EXOC3L2: variants seen among roughly 807,000 people sequenced by gnomAD.
EXOC3L2 encodes the protein exocyst complex component 3 like 2, also known as exocyst complex component 3-like protein 2.
Under a neutral mutation model 44.4 loss-of-function variants are expected in EXOC3L2, and 17 were observed. That is an observed-to-expected ratio of 0.38 (90% CI 0.26 to 0.57). The LOEUF (loss-of-function observed/expected upper bound fraction) is 0.57, where lower values mean the gene tolerates loss of function less well. Among genes scored for constraint, EXOC3L2 ranks in the 20% least tolerant of loss-of-function variants. The pLI, the probability that EXOC3L2 is intolerant of heterozygous loss-of-function variation, is 0.65. For synonymous variants in EXOC3L2, 256 were observed against 253.7 expected (o/e 1.01, Z -0.09); for missense variants, 541 against 588.4 (o/e 0.92, Z 0.83).
rs1355464756 is a variant in EXOC3L2, at chr19:45,234,253, C to G, written c.1097G>C (p.Arg366Pro). 1 of 395,968 alleles carries G rather than the reference C, an allele frequency of 2.5e-6. No individual in the cohort carries two copies. Among genetic ancestry groups the G allele is most frequent in the Non-Finnish European group, 4.5e-6 (1 of 224,332 alleles). The allele number at this position is 395,968 out of a possible 1,614,324, so 24.5% of individuals were successfully genotyped here. Residue 366 changes from arginine (R) to proline (P), a missense_variant, in exon 3 of 12, where the codon CGC becomes CCC. By Grantham distance (103) the Arg-to-Pro change is moderately radical (BLOSUM62 -2). Transcript: ENST00000413988. This position sits in a 1 kb window ranked among gnomAD's most constrained non-coding sequence, Gnocchi z 5.0. The part of the protein sequence containing the change: ...LAEWLGASAR[R>P]RLPLADRYAL... ...GTAGCGGTCGGCCAGCGGCAGCCTG[C>G]GACGGGCGGAGGCCCCCAGCCACTC...
At chr19:45,236,388 C>T (rs956944788) in intron 2 of EXOC3L2, among the ~76,000 whole-genome samples, 2 of 149,134 alleles carry the variant, frequency 1.3e-5, no homozygotes, top group Admixed American at 1.3e-4. Flanking sequence ...ATTGCTTGAA[C>T]CCAGGCGGCG....
intron 9 of EXOC3L2, among the ~76,000 whole-genome samples, chr19:45,217,983 AC>A (rs537636764): frequency 5.0e-4 from 75 of 149,926 alleles, no homozygotes; most frequent in African/African-American, 1.8e-3. Context: ...CCCGCCTTAC[AC>A]CCCAGTTCCA....
intron 3 of EXOC3L2, among the ~76,000 whole-genome samples, chr19:45,233,052 C>T (rs1970047330): frequency 6.6e-6 from 1 of 152,104 alleles, no homozygotes; most frequent in Non-Finnish European, 1.5e-5. Context: ...CCCGTCTCTA[C>T]TAAAAATACA....
intron 8 of EXOC3L2, 62 bp from the exon 9 acceptor site, chr19:45,218,381 A>T: frequency 7.1e-7 from 1 of 1,408,790 alleles, no homozygotes; most frequent in South Asian, 1.4e-5. Context: ...TTCACTTAGG[A>T]ATAAGTTCCT....
rs139596026 is a variant in EXOC3L2, at chr19:45,233,699, A to G, written c.1157+494T>C. 9.9e-4 allele frequency among the ~76,000 whole-genome samples: 151 copies of G among 152,316 alleles called. 1 individual carries two copies. The highest frequency in any genetic ancestry group is 3.5e-3 in the African/African-American group (147 of 41,568). On this transcript the variant is annotated intron_variant, in intron 3 of 11. Transcript: ENST00000413988. ...CTAGGTCTGAAAGGGTGGGAATGCT[A>G]GGATTCTAAGACTGGAAGCATCAGT...
In EXOC3L2 at chr19:45,217,530, G is replaced by A; in HGVS notation, c.1996C>T (p.Leu666=). ...CCCAACCGCGTCCCGACACTGACCA[G>A]CCGCCGGAACAGCCTCTGCAGTTGC... The part of the protein sequence containing the change: ...AAQLQRLFRR[L]ESQASWLDAV... Residue 666 remains leucine, a splice_region_variant and synonymous_variant, in exon 10 of 12, where the codon CTG becomes TTG. Transcript: ENST00000413988. 1 of 1,576,298 alleles carries A rather than the reference G, an allele frequency of 6.3e-7. No individual in the cohort carries two copies. The highest frequency in any genetic ancestry group is 1.4e-5 in the African/African-American group (1 of 72,036).
intron 11 of EXOC3L2, among the ~76,000 whole-genome samples, chr19:45,214,094 C>T (rs749371305): frequency 6.6e-6 from 1 of 152,126 alleles, no homozygotes; most frequent in Non-Finnish European, 1.5e-5. Context: ...CAAGTTCTGA[C>T]TCATGATCCA....
Position 45,240,921 on chromosome 19 carries a change from A to G in EXOC3L2, c.-16-1860T>C, listed in dbSNP as rs115782902. ...TCAGTCTCAAAAAATAAAATAAAAC[A>G]AAACAACTTACTAGGTATTAGCCAT... On this transcript the variant is annotated intron_variant, in intron 1 of 11. Coordinates refer to ENST00000413988, the MANE Select transcript of EXOC3L2 (RefSeq NM_001382422.1). 5.1e-3 allele frequency among the ~76,000 whole-genome samples: 781 copies of G among 152,170 alleles called. 5 individuals are homozygous for G. The highest frequency in any genetic ancestry group is 0.018 in the African/African-American group (741 of 41,514).
intron 8 of EXOC3L2, among the ~76,000 whole-genome samples, chr19:45,221,368 T>A (rs1947053687): frequency 6.6e-6 from 1 of 151,670 alleles, no homozygotes; most frequent in Non-Finnish European, 1.5e-5. Context: ...GTTTGTTTGT[T>A]TTGAGACGGA....
At chr19:45,235,073 G>A (rs534478111) in intron 2 of EXOC3L2, among the ~76,000 whole-genome samples, 1 of 152,284 alleles carries the variant, frequency 6.6e-6, no homozygotes, top group South Asian at 2.1e-4. Flanking sequence ...GGCCGAGGCC[G>A]GCGGATCACT....
chr19:45,213,031 CATAG>C lies in EXOC3L2; in HGVS notation c.*34_*37del. 1 of 1,451,676 alleles carries C rather than the reference CATAG, an allele frequency of 6.9e-7. No homozygotes were observed. The highest frequency in any genetic ancestry group is 9.0e-7 in the Non-Finnish European group (1 of 1,107,796). The allele number at this position is 1,451,676 out of a possible 1,614,324, so 89.9% of individuals were successfully genotyped here. A position where few individuals can be genotyped will look rare whatever the true frequency, so the allele number is the denominator to read the frequency against. ...GTACGGGAGGTTGGCTTGTCAGCAG[CATAG>C]ATGGGGTCACTAAGGCCGGCGGTTG... On this transcript the variant is annotated 3_prime_UTR_variant, in exon 12 of 12. Transcript: ENST00000413988.
At chr19:45,226,400 G>A (rs572482767) in intron 7 of EXOC3L2, among the ~76,000 whole-genome samples, 2 of 152,228 alleles carry the variant, frequency 1.3e-5, no homozygotes, top group African/African-American at 4.8e-5. Context: ...CTGGGAGTCC[G>A]AGACCAGCCT....
At chr19:45,227,929 G>A in intron 6 of EXOC3L2, 45 bp downstream of exon 6, 1 of 1,590,874 alleles carries the variant, frequency 6.3e-7, no homozygotes, top group Non-Finnish European at 8.6e-7. Context: ...AGGCCCTGAT[G>A]CCCAACCCCC....
intron 11 of EXOC3L2, among the ~76,000 whole-genome samples, chr19:45,214,311 T>C (rs895442970): frequency 2.0e-5 from 3 of 152,150 alleles, no homozygotes; most frequent in Middle Eastern, 3.2e-3. Flanking sequence ...TGGGGTTCTG[T>C]TTCTCTGAGT....
chr19:45,234,958 G>A lies in EXOC3L2; in HGVS notation c.524-132C>T. 2.6e-6 allele frequency: 1 copy of A among 377,784 alleles called. No homozygotes were observed. Among genetic ancestry groups the A allele is most frequent in the Non-Finnish European group, 4.7e-6 (1 of 212,572 alleles). 23.4% of individuals were successfully genotyped at this position (377,784 alleles called of 1,614,324 possible). On this transcript the variant is annotated intron_variant, in intron 2 of 11. Coordinates refer to ENST00000413988, the MANE Select transcript of EXOC3L2 (RefSeq NM_001382422.1). This position sits in a 1 kb window ranked among gnomAD's most constrained non-coding sequence, Gnocchi z 5.0. ...TTACAGGAGGCGGGAAAGTGTGGGGGCAGAGAAGAGCCCGGAGAAGAGCAA... is the reference window on the plus strand; with the variant it reads ...TTACAGGAGGCGGGAAAGTGTGGGGACAGAGAAGAGCCCGGAGAAGAGCAA...
chr19:45,234,487 C>T lies in EXOC3L2; in HGVS notation c.863G>A (p.Arg288His), dbSNP rs1970062447. The T allele has an allele frequency of 1.2e-5, 3 of 247,748 alleles. No individual in the cohort carries two copies. The highest frequency in any genetic ancestry group is 5.6e-5 in the Admixed American group (1 of 17,880). The allele number at this position is 247,748 out of a possible 1,614,324, so 15.3% of individuals were successfully genotyped here. A position where few individuals can be genotyped will look rare whatever the true frequency, so the allele number is the denominator to read the frequency against. The change falls in exon 3 of 12, where the codon CGC (arginine) becomes CAC (histidine). Residue 288 changes from arginine (R) to histidine (H), a missense_variant. By Grantham distance (29) the Arg-to-His change is conservative. Transcript: ENST00000413988. The surrounding 1 kb of genome is among the most constrained non-coding windows in gnomAD (Gnocchi z 5.0). ...GPGAARKLRA[R>H]WAEAVARAAR... ...CGCGCGCGCCACGGCTTCGGCCCAG[C>T]GTGCGCGTAGTTTGCGGGCCGCCCC...
At chr19:45,228,609 T>A (rs1458211030) in intron 4 of EXOC3L2, among the ~76,000 whole-genome samples, 1 of 151,986 alleles carries the variant, frequency 6.6e-6, no homozygotes, top group Admixed American at 6.6e-5. Context: ...CCGTCTCTAC[T>A]AAAAATACAA....
At chr19:45,237,710 A>G (rs1046486599) in intron 2 of EXOC3L2, among the ~76,000 whole-genome samples, 1 of 148,498 alleles carries the variant, frequency 6.7e-6, no homozygotes, top group Non-Finnish European at 1.5e-5. Context: ...GTCCCCCCAG[A>G]AAAAAAAAAG....
Position 45,216,077 on chromosome 19 carries a change from T to G in EXOC3L2, c.2116A>C (p.Ile706Leu), listed in dbSNP as rs758395470. ...GGCCCAGGCGGGGTGTCTCACCTGA[T>G]GTCTGGGTAGTCGCGCACCAACACT... ...VGVLVRDYPD[I>L]RQKHVAALLD... Residue 706 changes from isoleucine (I) to leucine (L), a missense_variant, in exon 11 of 12, where the codon ATC becomes CTC. By Grantham distance (5) the Ile-to-Leu change is conservative (BLOSUM62 2). Coordinates refer to ENST00000413988, the MANE Select transcript of EXOC3L2 (RefSeq NM_001382422.1). 5 of 1,613,738 alleles carry G rather than the reference T, an allele frequency of 3.1e-6. No homozygotes were observed. The East Asian group carries it at 1.1e-4, about 36-fold the overall frequency.
Sources: gnomAD v4.1 joint callset for allele counts (sites outside exome capture counted in the v4.1 genomes callset) on GRCh38, gnomAD v4.1.1 for gene constraint, Gnocchi (gnomAD v3.1) non-coding constraint, MANE v1.5 for transcripts, NCBI Gene and HGNC (gene_info 2026-07-23, HGNC 2026-07-21) for gene names.